The following ZNF804A variants were observed in gnomAD, a reference collection of about 807,000 sequenced individuals.
ZNF804A encodes zinc finger protein 804A.
ZNF804A carries 2 observed loss-of-function variants against 16.5 expected under a neutral mutation model. The observed-to-expected ratio is 0.12, with a 90% CI of 0.05 to 0.38. The LOEUF (loss-of-function observed/expected upper bound fraction) is 0.38. Ranked by LOEUF, ZNF804A falls within the 10% of genes least tolerant of loss-of-function variation. ZNF804A has a pLI of 0.99. For synonymous variants in ZNF804A, 534 were observed against 489.6 expected (o/e 1.09, Z -1.20); for missense variants, 1,473 against 1,390.7 (o/e 1.06, Z -0.94).
chr2:184,625,118 G>A (rs1167822897), intron 1 of ZNF804A, among the ~76,000 whole-genome samples: 1 of 152,068 alleles, frequency 6.6e-6, no homozygotes, highest in African/African-American at 2.4e-5. Context: ...GCACCCAAAT[G>A]AAAATGTCAA....
chr2:184,722,510 C>A (rs1476145805), intron 1 of ZNF804A, among the ~76,000 whole-genome samples: 1 of 151,834 alleles, frequency 6.6e-6, no homozygotes, highest in East Asian at 1.9e-4. Context: ...ACAATGAATC[C>A]AATTTACCAA....
chr2:184,878,985 A>T (rs866616352), intron 2 of ZNF804A, among the ~76,000 whole-genome samples: 5 of 152,036 alleles, frequency 3.3e-5, no homozygotes, highest in Admixed American at 6.6e-5. Flanking sequence ...AATAAGATGA[A>T]CTACACTTAG....
Position 184,607,327 on chromosome 2 carries a change from G to GA in ZNF804A, c.111+8262dup, listed in dbSNP as rs552377401. Among the ~76,000 whole-genome samples, 352 of 152,222 alleles carry GA rather than the reference G, an allele frequency of 2.3e-3. 1 individual carries two copies. The highest frequency in any genetic ancestry group is 7.8e-3 in the African/African-American group (324 of 41,550). ...TAATTGAGACTAGGTAATTATAAAG[G>GA]AAAAAGGTTTAATTGACTCACAGTT... On this transcript the variant is annotated intron_variant, in intron 1 of 3. Transcript: ENST00000302277.
chr2:184,754,534 C>A lies in ZNF804A; in HGVS notation c.112-111835C>A, dbSNP rs538244494. ...CATTCCCTATTTCAGCTATTGGTTT[C>A]TTTATAAATGTTTTTTAAATTAATG... On this transcript the variant is annotated intron_variant, in intron 1 of 3. Coordinates refer to ENST00000302277, the MANE Select transcript of ZNF804A (RefSeq NM_194250.2). Among the ~76,000 whole-genome samples, 6 of 151,738 alleles carry A rather than the reference C, an allele frequency of 4.0e-5. No individual in the cohort carries two copies. In the East Asian group the frequency reaches 1.2e-3, roughly 30 times the overall value.
At chr2:184,605,091 T>TTATACATAGTGTAA (rs1243809502) in intron 1 of ZNF804A, among the ~76,000 whole-genome samples, 2 of 152,124 alleles carry the variant, frequency 1.3e-5, no homozygotes, top group Non-Finnish European at 2.9e-5. Context: ...ATTAAAAGTA[T>TTATACATAGTGTAA]TATACATAGT....
At chr2:184,884,427 T>C (rs1684855291) in intron 2 of ZNF804A, among the ~76,000 whole-genome samples, 1 of 152,014 alleles carries the variant, frequency 6.6e-6, no homozygotes, top group African/African-American at 2.4e-5. Flanking sequence ...ATGATAGTCT[T>C]CATAGAATTA....
chr2:184,713,507 C>T (rs929900860), intron 1 of ZNF804A, among the ~76,000 whole-genome samples: 18 of 151,854 alleles, frequency 1.2e-4, no homozygotes, highest in Non-Finnish European at 2.2e-4. Flanking sequence ...GTATATGGCA[C>T]TCTAATGATA....
intron 1 of ZNF804A, among the ~76,000 whole-genome samples, chr2:184,685,668 A>G (rs1169093059): frequency 6.6e-6 from 1 of 152,178 alleles, no homozygotes. Flanking sequence ...GGGAGAAAGT[A>G]CATGCTGGTC....
chr2:184,770,951 G>T (rs1373839426), intron 1 of ZNF804A, among the ~76,000 whole-genome samples: 2 of 151,964 alleles, frequency 1.3e-5, no homozygotes, highest in African/African-American at 2.4e-5. Flanking sequence ...CCCAAAGACA[G>T]ATACGTAAAT....
intron 1 of ZNF804A, among the ~76,000 whole-genome samples, chr2:184,645,032 G>A (rs1330721903): frequency 6.6e-6 from 1 of 151,822 alleles, no homozygotes; most frequent in Non-Finnish European, 1.5e-5. Flanking sequence ...ATTGTGAGAG[G>A]ATAATTCCTA....
chr2:184,861,065 T>A (rs1426369052), intron 1 of ZNF804A, among the ~76,000 whole-genome samples: 1 of 152,176 alleles, frequency 6.6e-6, no homozygotes, highest in East Asian at 1.9e-4. Flanking sequence ...TCTAACCTGG[T>A]GCTAGAGCAG....
At chr2:184,731,347 C>T (rs1335367868) in intron 1 of ZNF804A, among the ~76,000 whole-genome samples, 1 of 149,744 alleles carries the variant, frequency 6.7e-6, no homozygotes, top group Non-Finnish European at 1.5e-5. Context: ...TGCATTCCCA[C>T]TAGCAATAAA....
At chr2:184,825,315 T>C (rs923875428) in intron 1 of ZNF804A, among the ~76,000 whole-genome samples, 19 of 152,188 alleles carry the variant, frequency 1.2e-4, no homozygotes, top group Non-Finnish European at 2.6e-4. Flanking sequence ...AAAATGTTAG[T>C]AGTACAGATA....
At chr2:184,877,636 A>G (rs1015163356) in intron 2 of ZNF804A, among the ~76,000 whole-genome samples, 1 of 152,122 alleles carries the variant, frequency 6.6e-6, no homozygotes, top group Non-Finnish European at 1.5e-5. Flanking sequence ...TGAATATGAG[A>G]ATAACCAGAG....
At chr2:184,616,431 C>T (rs1691320322) in intron 1 of ZNF804A, among the ~76,000 whole-genome samples, 1 of 152,094 alleles carries the variant, frequency 6.6e-6, no homozygotes, top group African/African-American at 2.4e-5. Flanking sequence ...GTGTGAATGG[C>T]ATTGTTGTAA....
At chr2:184,866,155 C>A (rs992287507) in intron 1 of ZNF804A, among the ~76,000 whole-genome samples, 2 of 152,134 alleles carry the variant, frequency 1.3e-5, no homozygotes, top group Non-Finnish European at 2.9e-5. Flanking sequence ...CACATTTGTG[C>A]TATTTTTCTG....
At chr2:184,862,378 A>G (rs1174489810) in intron 1 of ZNF804A, among the ~76,000 whole-genome samples, 1 of 152,186 alleles carries the variant, frequency 6.6e-6, no homozygotes, top group Non-Finnish European at 1.5e-5. Flanking sequence ...TGCACATACA[A>G]TATTGAAGTC....
At chr2:184,710,449 A>G (rs560305527) in intron 1 of ZNF804A, among the ~76,000 whole-genome samples, 240 of 151,666 alleles carry the variant, frequency 1.6e-3, no homozygotes, top group Non-Finnish European at 2.8e-3. Context: ...CACATTCTGA[A>G]AGCAAATACC....
intron 1 of ZNF804A, among the ~76,000 whole-genome samples, chr2:184,850,664 A>G (rs1181205500): frequency 6.6e-6 from 1 of 151,682 alleles, no homozygotes; most frequent in Non-Finnish European, 1.5e-5. Context: ...TCATTTCAAA[A>G]TGATAAAAGC....
Sources: allele counts gnomAD v4.1 joint callset (sites outside exome capture counted in the v4.1 genomes callset), GRCh38; gene constraint gnomAD v4.1.1; transcripts MANE v1.5; gene names NCBI Gene and HGNC (gene_info 2026-07-23, HGNC 2026-07-21).